The following TNKS variants were observed in gnomAD, a reference collection of about 807,000 sequenced individuals.
TNKS encodes tankyrase.
TNKS carries 72 observed loss-of-function variants against 135.8 expected under a neutral mutation model. The ratio of observed to expected loss-of-function variants is 0.53; its 90% CI spans 0.44 to 0.64. The LOEUF is 0.64. TNKS is among the 30% of genes least tolerant of loss of function. TNKS has a pLI of 0.00. For missense variants in TNKS, 1,769 were observed against 1,674.0 expected, an observed-to-expected ratio of 1.06 and a Z score of -0.99; for synonymous variants, 849 against 649.3, an observed-to-expected ratio of 1.31 and a Z score of -4.68.
intron 2 of TNKS, among the ~76,000 whole-genome samples, chr8:9,598,401 C>T (rs140498273): frequency 1.3e-5 from 2 of 152,138 alleles, no homozygotes; most frequent in East Asian, 3.9e-4. Context: ...CAAATTATTA[C>T]TATTATGGTA....
intron 2 of TNKS, among the ~76,000 whole-genome samples, chr8:9,600,880 G>C (rs372572341): frequency 2.6e-5 from 4 of 152,130 alleles, no homozygotes; most frequent in East Asian, 1.9e-4. Flanking sequence ...TCTACAGTCA[G>C]CATTATTACA....
chr8:9,687,641 C>G (rs1288101390), intron 5 of TNKS, among the ~76,000 whole-genome samples: 1 of 152,176 alleles, frequency 6.6e-6, no homozygotes, highest in Non-Finnish European at 1.5e-5. Flanking sequence ...GACCACAGTG[C>G]TAAAAAGCAG....
chr8:9,712,963 T>A (rs771247495), intron 11 of TNKS, among the ~76,000 whole-genome samples: 1 of 152,192 alleles, frequency 6.6e-6, no homozygotes, highest in Non-Finnish European at 1.5e-5. Context: ...TAAATTCTCT[T>A]TGTGTAAGTT....
Position 9,717,924 on chromosome 8 carries a change from A to G in TNKS, c.1750-2450A>G, listed in dbSNP as rs552083325. Among the ~76,000 whole-genome samples the G allele has an allele frequency of 1.5e-3, 230 of 152,306 alleles. 1 individual carries two copies. Among genetic ancestry groups the G allele is most frequent in the Non-Finnish European group, 2.8e-3 (191 of 68,016 alleles). On this transcript the variant is annotated intron_variant, in intron 11 of 26. Coordinates refer to ENST00000310430, the MANE Select transcript of TNKS (RefSeq NM_003747.3). ...TTCAGCTAGGAATGTTCAGGAATCA[A>G]ATATATAGATATATACAGGCAAAAT...
At chr8:9,654,954 C>G (rs959085154) in intron 3 of TNKS, among the ~76,000 whole-genome samples, 2 of 152,196 alleles carry the variant, frequency 1.3e-5, no homozygotes, top group Admixed American at 1.3e-4. Flanking sequence ...GAGGCATCGC[C>G]TCACCTGGGA....
chr8:9,752,484 G>A, intron 19 of TNKS, 60 bp from the exon 20 acceptor site: 1 of 1,345,628 alleles, frequency 7.4e-7, no homozygotes, highest in African/African-American at 1.5e-5. Flanking sequence ...AATGGATACT[G>A]AAATTTTCTT....
intron 17 of TNKS, among the ~76,000 whole-genome samples, 197 bp downstream of exon 17, chr8:9,735,683 C>G (rs1805666610): frequency 1.3e-5 from 2 of 151,958 alleles, no homozygotes; most frequent in South Asian, 4.1e-4. Flanking sequence ...ACCTGTAGTC[C>G]CAGCTACTCG....
At chr8:9,698,209 G>A (rs1280152685) in intron 5 of TNKS, among the ~76,000 whole-genome samples, 1 of 151,982 alleles carries the variant, frequency 6.6e-6, no homozygotes, top group African/African-American at 2.4e-5. Context: ...TTGAGCACAC[G>A]TGGACATAAA....
chr8:9,581,091 C>T (rs2129053435), intron 2 of TNKS, among the ~76,000 whole-genome samples: 1 of 152,134 alleles, frequency 6.6e-6, no homozygotes, highest in East Asian at 1.9e-4. Flanking sequence ...TTTGTTTAGC[C>T]ATGGCAGGTT....
At chr8:9,770,366 C>T (rs1486813004) in intron 26 of TNKS, 104 bp downstream of exon 26, 8 of 1,197,964 alleles carry the variant, frequency 6.7e-6, no homozygotes, top group South Asian at 3.1e-5. Context: ...ATCCACCACA[C>T]AGTGTGCTAG....
intron 3 of TNKS, among the ~76,000 whole-genome samples, chr8:9,630,859 A>G (rs913186455): frequency 2.0e-5 from 3 of 152,234 alleles, no homozygotes; most frequent in Non-Finnish European, 4.4e-5. Context: ...CTTATGCTCT[A>G]GAAACATTCT....
chr8:9,580,081 G>C, intron 1 of TNKS, 78 bp from the exon 2 acceptor site: 1 of 1,227,694 alleles, frequency 8.1e-7, no homozygotes, highest in Non-Finnish European at 1.2e-6. Flanking sequence ...CATACTTGTT[G>C]ATATTGTTAC....
intron 5 of TNKS, among the ~76,000 whole-genome samples, chr8:9,690,315 T>C (rs940838636): frequency 6.6e-6 from 1 of 152,198 alleles, no homozygotes; most frequent in South Asian, 2.1e-4. Context: ...GACGTTAAAA[T>C]TGAATTAAGT....
At chr8:9,776,625 T>G (rs772299665) in intron 26 of TNKS, 25 bp from the exon 27 acceptor site, 1 of 1,608,392 alleles carries the variant, frequency 6.2e-7, no homozygotes, top group Non-Finnish European at 8.5e-7. Context: ...GAAGGGTGAT[T>G]TGTTTTTCTT....
At chr8:9,594,259 G>A (rs1288567320) in intron 2 of TNKS, among the ~76,000 whole-genome samples, 2 of 152,176 alleles carry the variant, frequency 1.3e-5, no homozygotes, top group Non-Finnish European at 2.9e-5. Context: ...AGCATTATTA[G>A]AAGTGATAGT....
At chr8:9,751,340 AAAG>A (rs1944780175) in intron 18 of TNKS, among the ~76,000 whole-genome samples, 1 of 152,240 alleles carries the variant, frequency 6.6e-6, no homozygotes, top group African/African-American at 2.4e-5. Flanking sequence ...AATTTTTTCT[AAAG>A]AAGGGTGACA....
chr8:9,623,514 A>T (rs1799944206), intron 3 of TNKS, among the ~76,000 whole-genome samples: 1 of 152,048 alleles, frequency 6.6e-6, no homozygotes, highest in Non-Finnish European at 1.5e-5. Context: ...ATTATGTCTA[A>T]AAAAAGTACT....
chr8:9,615,437 T>C, intron 2 of TNKS, 145 bp from the exon 3 acceptor site: 1 of 574,096 alleles, frequency 1.7e-6, no homozygotes, highest in South Asian at 2.9e-5. Context: ...CTGCAGTGCT[T>C]TTTTGCTTTT....
chr8:9,750,404 A>G (rs1397216465), intron 18 of TNKS, among the ~76,000 whole-genome samples: 1 of 152,226 alleles, frequency 6.6e-6, no homozygotes, highest in East Asian at 1.9e-4. Flanking sequence ...TCATGGGCAG[A>G]TAAACACACC....
Sources: gnomAD v4.1 joint callset for allele counts (sites outside exome capture counted in the v4.1 genomes callset) on GRCh38, gnomAD v4.1.1 for gene constraint, MANE v1.5 for transcripts, NCBI Gene and HGNC (gene_info 2026-07-23, HGNC 2026-07-21) for gene names.